Variants in PLAGL1 observed in about 807,000 individuals in gnomAD.
PLAGL1 encodes the protein zinc finger protein PLAGL1.
In PLAGL1, 1 loss-of-function variant was observed where a neutral mutation model predicts 4.6. That is an observed-to-expected ratio of 0.22 (90% CI 0.08 to 1.03). PLAGL1 has a LOEUF of 1.03. Ranked by LOEUF, PLAGL1 falls within the 50% of genes least tolerant of loss-of-function variation. The pLI, the probability that PLAGL1 is intolerant of heterozygous loss-of-function variation, is 0.58. For synonymous variants in PLAGL1, 240 were observed against 237.8 expected (o/e 1.01, Z -0.08); for missense variants, 464 against 570.4 (o/e 0.81, Z 1.90).
intron 1 of PLAGL1, among the ~76,000 whole-genome samples, chr6:144,040,499 A>G (rs1194077637): frequency 6.6e-6 from 1 of 152,110 alleles, no homozygotes; most frequent in East Asian, 1.9e-4. Context: ...ACTACACTCT[A>G]GCCTGGGTGA....
chr6:144,053,981 G>T lies in PLAGL1; in HGVS notation c.-151+10487C>A, dbSNP rs935189091. On this transcript the variant is annotated intron_variant, in intron 1 of 3. Coordinates refer to the PLAGL1 transcript ENST00000437412. This position sits in a 1 kb window ranked among gnomAD's most constrained non-coding sequence, Gnocchi z 4.0. ...CAACTTCAAAATCCATCAGGAAAGGGATATTCATTTCTCTATATGGTCTAA... is the reference window on the plus strand; with the variant it reads ...CAACTTCAAAATCCATCAGGAAAGGTATATTCATTTCTCTATATGGTCTAA... Among the ~76,000 whole-genome samples, 2 of 152,154 alleles carry T rather than the reference G, an allele frequency of 1.3e-5. No homozygotes were observed. Among genetic ancestry groups the T allele is most frequent in the Non-Finnish European group, 2.9e-5 (2 of 68,020 alleles).
chr6:143,974,439 A>T (rs1345951142), intron 2 of PLAGL1, among the ~76,000 whole-genome samples: 1 of 152,034 alleles, frequency 6.6e-6, no homozygotes, highest in Non-Finnish European at 1.5e-5. Context: ...CTATTCACCA[A>T]TTACTCACCT....
At position 143,976,285 on chromosome 6, in the gene PLAGL1, C is replaced by CTTTTTTTTTT. The variant is rs58569870; in HGVS notation, c.-543-7317_-543-7308dup. 4.5e-4 allele frequency among the ~76,000 whole-genome samples: 51 copies of CTTTTTTTTTT among 113,208 alleles called. 2 individuals are homozygous for CTTTTTTTTTT. Among genetic ancestry groups the CTTTTTTTTTT allele is most frequent in the East Asian group, 1.3e-3 (5 of 3,924 alleles). 74.3% of individuals were successfully genotyped at this position (113,208 alleles called of 152,430 possible). A position where few individuals can be genotyped will look rare whatever the true frequency, so the allele number is the denominator to read the frequency against. ...CGCCCTTGAGCCTGAGATTTCTTTT[C>CTTTTTTTTTT]TTTTTTTTTTTTTTTTTGGTGAATT... On this transcript the variant is annotated intron_variant, in intron 2 of 7. Transcript: ENST00000674357.
rs1197029075 is a variant in PLAGL1 at position 144,064,159 on chromosome 6, G to C, written c.-151+309C>G. Among the ~76,000 whole-genome samples, 1 of 151,944 alleles carries C rather than the reference G, an allele frequency of 6.6e-6. No individual in the cohort carries two copies. Among genetic ancestry groups the C allele is most frequent in the African/African-American group, 2.4e-5 (1 of 41,378 alleles). On this transcript the variant is annotated intron_variant, in intron 1 of 3. Coordinates refer to the PLAGL1 transcript ENST00000437412. The surrounding 1 kb of genome is among the most constrained non-coding windows in gnomAD (Gnocchi z 6.8). Reference sequence around the variant, plus strand: ...CGGCTGTTCAGCTCCCACGTCACCCGGCCCGCCCTCCGCCCAGCGCAGAAG... The same window carrying C: ...CGGCTGTTCAGCTCCCACGTCACCCCGCCCGCCCTCCGCCCAGCGCAGAAG...
intron 1 of PLAGL1, among the ~76,000 whole-genome samples, chr6:143,999,237 T>C (rs1162761391): frequency 6.6e-6 from 1 of 152,190 alleles, no homozygotes; most frequent in East Asian, 1.9e-4. Context: ...TGAGTTTCCC[T>C]GAATGATATA....
intron 1 of PLAGL1, among the ~76,000 whole-genome samples, chr6:143,988,060 A>G (rs896979299): frequency 6.6e-6 from 1 of 152,156 alleles, no homozygotes; most frequent in Non-Finnish European, 1.5e-5. Context: ...AAAAACTGAG[A>G]AACACTTTTC....
rs770614482 is a variant in PLAGL1, at chr6:143,973,518, A to G, written c.-543-4540T>C. 3.9e-5 allele frequency among the ~76,000 whole-genome samples: 6 copies of G among 152,122 alleles called. No homozygotes were observed. Among genetic ancestry groups the G allele is most frequent in the African/African-American group, 7.2e-5 (3 of 41,414 alleles). ...TGCTTCTAGGGCCTGCTGAGCTTCAATGGCCCCCTGACATTCCATAAATAA... is the reference window on the plus strand; with the variant it reads ...TGCTTCTAGGGCCTGCTGAGCTTCAGTGGCCCCCTGACATTCCATAAATAA... On this transcript the variant is annotated intron_variant, in intron 2 of 7. Transcript: ENST00000674357. This position sits in a 1 kb window ranked among gnomAD's most constrained non-coding sequence, Gnocchi z 6.2.
chr6:144,002,510 C>T (rs772019747), intron 1 of PLAGL1, among the ~76,000 whole-genome samples: 6 of 151,964 alleles, frequency 3.9e-5, no homozygotes, highest in Non-Finnish European at 8.8e-5. Flanking sequence ...CATGACAGCA[C>T]ATTAAAAACA....
chr6:144,023,667 G>A (rs549160633), intron 1 of PLAGL1, among the ~76,000 whole-genome samples: 9 of 151,166 alleles, frequency 6.0e-5, no homozygotes, highest in African/African-American at 2.2e-4. Flanking sequence ...TGGGAGCTAG[G>A]TTTCTCTGTT....
chr6:143,991,510 C>G (rs1273876400), intron 1 of PLAGL1, among the ~76,000 whole-genome samples: 2 of 152,174 alleles, frequency 1.3e-5, no homozygotes, highest in African/African-American at 2.4e-5. Flanking sequence ...ATGTGCTTAT[C>G]CCATAACCTG....
Position 143,947,419 on chromosome 6 carries a change from T to C in PLAGL1, c.152+566A>G, listed in dbSNP as rs564620991. Among the ~76,000 whole-genome samples, 40 of 152,260 alleles carry C rather than the reference T, an allele frequency of 2.6e-4. No homozygotes were observed. The highest frequency in any genetic ancestry group is 5.9e-4 in the Admixed American group (9 of 15,288). ...ACGAATCATATTTCTTCACTACTTA[T>C]ACACCTGAATGAGACAAACCCTCTC... is the stretch of plus-strand genomic sequence containing the variant. On this transcript the variant is annotated intron_variant, in intron 7 of 7. Transcript: ENST00000674357. This position sits in a 1 kb window ranked among gnomAD's most constrained non-coding sequence, Gnocchi z 4.3.
chr6:144,032,492 G>T (rs571872156), intron 1 of PLAGL1, among the ~76,000 whole-genome samples: 1 of 152,120 alleles, frequency 6.6e-6, no homozygotes, highest in South Asian at 2.1e-4. Flanking sequence ...GAAATTTTAA[G>T]TTCTAAGTGG....
intron 2 of PLAGL1, among the ~76,000 whole-genome samples, chr6:143,977,396 T>C (rs973112908): frequency 6.6e-6 from 1 of 151,886 alleles, no homozygotes; most frequent in Non-Finnish European, 1.5e-5. Flanking sequence ...GTAATACACA[T>C]TTAATTTTCT....
chr6:144,051,589 T>C (rs1305077172), intron 1 of PLAGL1, among the ~76,000 whole-genome samples: 1 of 152,204 alleles, frequency 6.6e-6, no homozygotes. Context: ...ATTGTATTAG[T>C]CCTCTTTCAT....
chr6:144,045,011 T>C (rs2128720114), intron 1 of PLAGL1, among the ~76,000 whole-genome samples: 2 of 140,768 alleles, frequency 1.4e-5, no homozygotes, highest in Admixed American at 7.0e-5. Context: ...TTTTTTTTTT[T>C]TTTTTTTGGC....
rs771902861 is a variant in PLAGL1, at chr6:143,962,628, C to T, written c.-398-2086G>A. On this transcript the variant is annotated intron_variant, in intron 5 of 7. Coordinates refer to ENST00000674357, the MANE Select transcript of PLAGL1 (RefSeq NM_001317162.2). The surrounding 1 kb of genome is among the most constrained non-coding windows in gnomAD (Gnocchi z 5.3). ...TTTTCTAGGCATTTGCTTCTGAGAA[C>T]AGCATTTAAGAACCCGTCTTTTTCT... Among the ~76,000 whole-genome samples the T allele has an allele frequency of 2.0e-5, 3 of 152,234 alleles. No homozygotes were observed. The highest frequency in any genetic ancestry group is 4.8e-5 in the African/African-American group (2 of 41,456).
At chr6:144,002,143 T>C (rs1256672363) in intron 1 of PLAGL1, among the ~76,000 whole-genome samples, 9 of 152,132 alleles carry the variant, frequency 5.9e-5, no homozygotes, top group African/African-American at 2.2e-4. Context: ...GGGTGAAGGG[T>C]ATACAAAAAC....
In PLAGL1 at chr6:144,005,259, G is replaced by A. The variant is rs1175553140; in HGVS notation, c.-584+2831C>T. ...TAGACTACTTTCTACAAATCTCTTA[G>A]GGGAAGAAAAAATATCACAATGAAA... On this transcript the variant is annotated intron_variant, in intron 1 of 7. Transcript: ENST00000674357. This position sits in a 1 kb window ranked among gnomAD's most constrained non-coding sequence, Gnocchi z 4.6. The A allele has an allele frequency of 6.6e-6, 1 of 152,036 alleles. No homozygotes were observed. Among genetic ancestry groups the A allele is most frequent in the South Asian group, 2.1e-4 (1 of 4,830 alleles). 9.4% of individuals were successfully genotyped at this position (152,036 alleles called of 1,614,324 possible). A position where few individuals can be genotyped will look rare whatever the true frequency, so the allele number is the denominator to read the frequency against.
chr6:143,977,816 G>A (rs1182715998), intron 2 of PLAGL1, among the ~76,000 whole-genome samples: 2 of 151,932 alleles, frequency 1.3e-5, no homozygotes, highest in Admixed American at 1.3e-4. Context: ...TTTCTTTTTG[G>A]TGCTGATTGA....
Sources: gnomAD v4.1 joint callset for allele counts (sites outside exome capture counted in the v4.1 genomes callset) on GRCh38, gnomAD v4.1.1 for gene constraint, Gnocchi (gnomAD v3.1) non-coding constraint, MANE v1.5 for transcripts, NCBI Gene and HGNC (gene_info 2026-07-23, HGNC 2026-07-21) for gene names.